The following CFHR2 variants were observed in gnomAD, a reference collection of about 807,000 sequenced individuals.
CFHR2 encodes complement factor H-related protein 2.
In CFHR2, 22 loss-of-function variants were observed where a neutral mutation model predicts 21.7. The observed-to-expected ratio is 1.01, with a 90% confidence interval of 0.72 to 1.45. CFHR2 has a LOEUF of 1.45. CFHR2 is among the 40% of genes most tolerant of loss of function. The pLI is 0.00. For missense variants in CFHR2, 294 were observed against 293.3 expected (o/e 1.00, Z -0.02); for synonymous variants, 98 against 97.4 (o/e 1.01, Z -0.04).
chr1:196,946,199 A>G (rs544170788), intron 1 of CFHR2, among the ~76,000 whole-genome samples: 1 of 152,232 alleles, frequency 6.6e-6, no homozygotes, highest in Non-Finnish European at 1.5e-5. Flanking sequence ...GAACATCACC[A>G]TACACGACTA....
intron 3 of CFHR2, among the ~76,000 whole-genome samples, chr1:196,954,932 A>T (rs1021302182): frequency 6.6e-6 from 1 of 152,236 alleles, no homozygotes; most frequent in Non-Finnish European, 1.5e-5. Flanking sequence ...GGAAAGCCTC[A>T]AAGATCTCTG....
intron 1 of CFHR2, among the ~76,000 whole-genome samples, chr1:196,946,415 T>G (rs1233205464): frequency 6.6e-6 from 1 of 152,186 alleles, no homozygotes; most frequent in East Asian, 1.9e-4. Context: ...TATGTTGACC[T>G]TTTTACTTCA....
At chr1:196,949,770 GA>G in intron 2 of CFHR2, 121 bp downstream of exon 2, 1 of 1,250,104 alleles carries the variant, frequency 8.0e-7, no homozygotes, top group Admixed American at 1.9e-5. Flanking sequence ...GGAAAGATGG[GA>G]GATGTAGTCC....
rs1457425341 is a variant in CFHR2, at chr1:196,959,270, A to T, written c.*190A>T. The T allele has an allele frequency of 1.9e-6, 1 of 520,436 alleles. No individual in the cohort carries two copies. The highest frequency in any genetic ancestry group is 3.4e-6 in the Non-Finnish European group (1 of 296,732). The allele number at this position is 520,436 out of a possible 1,614,324, so 32.2% of individuals were successfully genotyped here. A position where few individuals can be genotyped will look rare whatever the true frequency, so the allele number is the denominator to read the frequency against. On this transcript the variant is annotated 3_prime_UTR_variant, in exon 5 of 5. Coordinates refer to ENST00000367415, the MANE Select transcript of CFHR2 (RefSeq NM_005666.4). ...GGTGAGGACTATCTTCACCAAATCT[A>T]AGTAACAACCTAGGAATTGTCTTTT...
intron 1 of CFHR2, among the ~76,000 whole-genome samples, chr1:196,948,316 C>G (rs1168929239): frequency 6.6e-6 from 1 of 151,894 alleles, no homozygotes; most frequent in Non-Finnish European, 1.5e-5. Context: ...CTCTGTCGCC[C>G]CCAGGATGGT....
chr1:196,946,411 G>C (rs1170352575), intron 1 of CFHR2, among the ~76,000 whole-genome samples: 1 of 150,032 alleles, frequency 6.7e-6, no homozygotes, highest in South Asian at 2.1e-4. Flanking sequence ...AGTTTATGTT[G>C]ACCTTTTTAC....
chr1:196,947,569 A>C (rs1040116532), intron 1 of CFHR2, among the ~76,000 whole-genome samples: 4 of 152,210 alleles, frequency 2.6e-5, no homozygotes, highest in Non-Finnish European at 5.9e-5. Flanking sequence ...CGTTTCACAA[A>C]GTGAAAATAT....
chr1:196,944,788 C>T (rs544955244), intron 1 of CFHR2, among the ~76,000 whole-genome samples: 135 of 151,770 alleles, frequency 8.9e-4, no homozygotes, highest in Non-Finnish European at 1.5e-3. Context: ...CTCATCAGTC[C>T]TGACATAACA....
At chr1:196,949,702 A>G in intron 2 of CFHR2, 53 bp downstream of exon 2, 5 of 1,602,470 alleles carry the variant, frequency 3.1e-6, no homozygotes, top group Non-Finnish European at 4.3e-6. Flanking sequence ...ACAGAGAAGG[A>G]TATGCCAGAC....
intron 3 of CFHR2, among the ~76,000 whole-genome samples, chr1:196,954,098 A>T (rs1162534940): frequency 6.6e-6 from 1 of 152,226 alleles, no homozygotes. Context: ...TGGGTTTTTT[A>T]AAAAGTCTTT....
At position 196,951,008 on chromosome 1, in the gene CFHR2, C is replaced by T; in HGVS notation, c.410C>T (p.Pro137Leu). The T allele has an allele frequency of 3.7e-6, 6 of 1,613,618 alleles. No homozygotes were observed. Among genetic ancestry groups the T allele is most frequent in the Non-Finnish European group, 5.1e-6 (6 of 1,179,874 alleles). Residue 137 changes from proline to leucine, a missense_variant, in exon 3 of 5, where the codon CCT becomes CTT. Coordinates refer to ENST00000367415, the MANE Select transcript of CFHR2 (RefSeq NM_005666.4). ...ISCVERGWST[P>L]PKCRSTISAE... ...TGTGTAGAACGGGGCTGGTCCACTC[C>T]TCCCAAATGCAGGTCCACTAGTAAG... is the stretch of plus-strand genomic sequence containing the variant.
intron 1 of CFHR2, among the ~76,000 whole-genome samples, chr1:196,946,213 G>T (rs1280100260): frequency 6.6e-6 from 1 of 152,224 alleles, no homozygotes; most frequent in Non-Finnish European, 1.5e-5. Flanking sequence ...ACGACTAGAG[G>T]TGGTATAAAC....
intron 1 of CFHR2, among the ~76,000 whole-genome samples, chr1:196,946,200 T>C (rs1401346627): frequency 6.6e-6 from 1 of 152,254 alleles, no homozygotes; most frequent in East Asian, 1.9e-4. Flanking sequence ...AACATCACCA[T>C]ACACGACTAG....
chr1:196,949,493 C>A lies in CFHR2; in HGVS notation c.97C>A (p.Leu33Ile). The change falls in exon 2 of 5, where the codon CTA becomes ATA. Residue 33 changes from leucine to isoleucine, a missense_variant. Coordinates refer to ENST00000367415, the MANE Select transcript of CFHR2 (RefSeq NM_005666.4). ...TTTTCCAAAAATAAACCATGGAATTCTATATGATGAAGAAAAATATAAGCC... is the reference window on the plus strand; with the variant it reads ...TTTTCCAAAAATAAACCATGGAATTATATATGATGAAGAAAAATATAAGCC... ...CDFPKINHGI[L>I]YDEEKYKPFS... 1.2e-6 allele frequency: 2 copies of A among 1,613,814 alleles called. No individual in the cohort carries two copies. Among genetic ancestry groups the A allele is most frequent in the Non-Finnish European group, 1.7e-6 (2 of 1,179,856 alleles).
chr1:196,950,912 T>A lies in CFHR2; in HGVS notation c.314T>A (p.Leu105Gln), dbSNP rs774601040. The change falls in exon 3 of 5, where the codon CTG becomes CAG. Residue 105 changes from leucine to glutamine, a missense_variant. Transcript: ENST00000367415. Reference sequence around the variant, plus strand: ...TCTGAATCTTCAGGACAAACACATCTGGAAGGTGATACTGTACAAATTATT... The same window carrying A: ...TCTGAATCTTCAGGACAAACACATCAGGAAGGTGATACTGTACAAATTATT... ...GHSESSGQTH[L>Q]EGDTVQIICN... The A allele has an allele frequency of 3.1e-5, 50 of 1,613,966 alleles. No homozygotes were observed. Among genetic ancestry groups the A allele is most frequent in the Non-Finnish European group, 2.5e-6 (3 of 1,179,968 alleles).
At chr1:196,954,145 T>C (rs2125011479) in intron 3 of CFHR2, among the ~76,000 whole-genome samples, 1 of 152,332 alleles carries the variant, frequency 6.6e-6, no homozygotes, top group Non-Finnish European at 1.5e-5. Flanking sequence ...TTGGGAATAA[T>C]TTGCTTTATA....
Position 196,959,184 on chromosome 1 carries a change from C to A in CFHR2, c.*104C>A. ...AAGTACTGTTTTACTCATTTTTATT[C>A]ATAAATAAAGTTTTGTGTTGATTTG... On this transcript the variant is annotated 3_prime_UTR_variant, in exon 5 of 5. Transcript: ENST00000367415. 3 of 856,500 alleles carry A rather than the reference C, an allele frequency of 3.5e-6. No homozygotes were observed. Among genetic ancestry groups the A allele is most frequent in the Non-Finnish European group, 5.3e-6 (3 of 569,904 alleles). 53.1% of individuals were successfully genotyped at this position (856,500 alleles called of 1,614,324 possible). A position where few individuals can be genotyped will look rare whatever the true frequency, so the allele number is the denominator to read the frequency against.
At chr1:196,949,732 A>AT (rs1659656493) in intron 2 of CFHR2, 83 bp downstream of exon 2, 1 of 1,550,704 alleles carries the variant, frequency 6.4e-7, no homozygotes, top group Non-Finnish European at 8.9e-7. Flanking sequence ...AACACTTGAT[A>AT]ATCACAGGAG....
At chr1:196,951,079 GAAAT>G (rs752135033) in intron 3 of CFHR2, 51 bp downstream of exon 3, 2 of 1,593,196 alleles carry the variant, frequency 1.3e-6, no homozygotes. Context: ...AAGTGTAAAA[GAAAT>G]AAATCTTTTT....
Sources: gnomAD v4.1 joint callset for allele counts (sites outside exome capture counted in the v4.1 genomes callset) on GRCh38, gnomAD v4.1.1 for gene constraint, MANE v1.5 for transcripts, NCBI Gene and HGNC (gene_info 2026-07-23, HGNC 2026-07-21) for gene names.